CRYBG3: variants seen among roughly 807,000 people sequenced by gnomAD.
CRYBG3 encodes crystallin beta-gamma domain containing 3.
Under a neutral mutation model 244.2 loss-of-function variants are expected in CRYBG3, and 127 were observed. The ratio of observed to expected loss-of-function variants is 0.52; its 90% CI spans 0.45 to 0.60. The LOEUF is 0.60. Among genes scored for constraint, CRYBG3 ranks in the 20% least tolerant of loss-of-function variants. The probability of loss-of-function intolerance (pLI) is 0.00; values close to 1 mark genes in which losing one functional copy is unlikely to be tolerated. For synonymous variants in CRYBG3, 1,132 were observed against 1,195.8 expected, an observed-to-expected ratio of 0.95 and a Z score of 1.10; for missense variants, 3,325 against 3,442.5, an observed-to-expected ratio of 0.97 and a Z score of 0.85.
At chr3:97,886,934 T>G (rs1050475511) in intron 8 of CRYBG3, among the ~76,000 whole-genome samples, 167 bp downstream of exon 8, 1 of 152,234 alleles carries the variant, frequency 6.6e-6, no homozygotes, top group Non-Finnish European at 1.5e-5. Context: ...AGCTTTGATA[T>G]ATGACTCACA....
chr3:97,868,473 G>A (rs2039263005), intron 3 of CRYBG3, among the ~76,000 whole-genome samples: 1 of 151,976 alleles, frequency 6.6e-6, no homozygotes, highest in Non-Finnish European at 1.5e-5. Flanking sequence ...TTGTCACTTT[G>A]ATTTCCTATT....
At chr3:97,838,325 C>T (rs1202946777) in intron 1 of CRYBG3, among the ~76,000 whole-genome samples, 1 of 152,102 alleles carries the variant, frequency 6.6e-6, no homozygotes, top group Non-Finnish European at 1.5e-5. Flanking sequence ...TTCTCCTGGT[C>T]AGATTTTTTT....
chr3:97,897,892 T>C (rs184771549), intron 12 of CRYBG3, among the ~76,000 whole-genome samples: 1 of 152,304 alleles, frequency 6.6e-6, no homozygotes, highest in East Asian at 1.9e-4. Context: ...CAATATGTTT[T>C]GACAAAACGG....
rs145799037 is a variant in CRYBG3, at chr3:97,854,118, A to G, written c.217-10099A>G. Among the ~76,000 whole-genome samples the G allele has an allele frequency of 5.9e-5, 9 of 152,198 alleles. 1 individual carries two copies. The highest frequency in any genetic ancestry group is 2.2e-4 in the African/African-American group (9 of 41,540). On this transcript the variant is annotated intron_variant, in intron 2 of 21. Coordinates refer to ENST00000389622, the MANE Select transcript of CRYBG3 (RefSeq NM_153605.4). ...CACTTTATTTTTGTATGCTTTGTTG[A>G]AGATCAGTTGGCTGTATTTGGCTTT...
chr3:97,850,185 C>T (rs547026348), intron 2 of CRYBG3, among the ~76,000 whole-genome samples: 1 of 152,226 alleles, frequency 6.6e-6, no homozygotes, highest in South Asian at 2.1e-4. Flanking sequence ...TGTTTTATCT[C>T]CCTTCCCATT....
chr3:97,863,070 G>C (rs558409284), intron 2 of CRYBG3, among the ~76,000 whole-genome samples: 73 of 152,210 alleles, frequency 4.8e-4, no homozygotes, highest in Non-Finnish European at 9.9e-4. Context: ...TGATGTTCTT[G>C]CCTTCTGGAA....
In CRYBG3 at chr3:97,886,713, A is replaced by C. The variant is rs779830857; in HGVS notation, c.7235A>C (p.Asn2412Thr). 18 of 1,612,500 alleles carry C rather than the reference A, an allele frequency of 1.1e-5. No individual in the cohort carries two copies. Among genetic ancestry groups the C allele is most frequent in the African/African-American group, 2.7e-5 (2 of 74,808 alleles). The change falls in exon 8 of 22, where the codon AAT becomes ACT. Residue 2412 changes from asparagine to threonine, a missense_variant. Asn to Thr is a moderately conservative substitution (Grantham distance 65, BLOSUM62 0). This residue lies in a region of CRYBG3 where 714 missense variants were observed against 803.6 expected (regional missense o/e 0.89). Coordinates refer to ENST00000389622, the MANE Select transcript of CRYBG3 (RefSeq NM_153605.4). ...CPVYIQRAVP[N>T]LEELNISKSV... ...GTCTACATACAGAGAGCAGTCCCCA[A>C]TTTGGAAGAACTGAATATCTCCAAA...
intron 12 of CRYBG3, 122 bp downstream of exon 12, chr3:97,896,207 TC>T: frequency 1.2e-6 from 1 of 851,816 alleles, no homozygotes. Flanking sequence ...AGTATTAACC[TC>T]AACTGCTTAT....
chr3:97,893,469 C>T (rs2039604760), intron 11 of CRYBG3, among the ~76,000 whole-genome samples: 1 of 152,224 alleles, frequency 6.6e-6, no homozygotes, highest in African/African-American at 2.4e-5. Context: ...TGAGGAAGCT[C>T]TCTAGGAACC....
chr3:97,922,038 G>A (rs2039990182), intron 17 of CRYBG3, among the ~76,000 whole-genome samples: 1 of 152,114 alleles, frequency 6.6e-6, no homozygotes, highest in African/African-American at 2.4e-5. Flanking sequence ...ATGATCTTAG[G>A]AAGTAGAATA....
intron 17 of CRYBG3, among the ~76,000 whole-genome samples, chr3:97,929,441 T>C (rs2040074539): frequency 6.6e-6 from 1 of 151,962 alleles, no homozygotes; most frequent in Non-Finnish European, 1.5e-5. Flanking sequence ...AAAAGATTAT[T>C]AACCACCCCC....
At chr3:97,910,461 T>G (rs2039856331) in intron 15 of CRYBG3, among the ~76,000 whole-genome samples, 1 of 152,214 alleles carries the variant, frequency 6.6e-6, no homozygotes, top group South Asian at 2.1e-4. Context: ...TGTACCGTTT[T>G]TTAAGCCCGC....
At chr3:97,846,953 A>G (rs1283921925) in intron 2 of CRYBG3, among the ~76,000 whole-genome samples, 3 of 152,248 alleles carry the variant, frequency 2.0e-5, no homozygotes, top group Admixed American at 1.3e-4. Context: ...CAGGCTTTAC[A>G]TAAAGCATGG....
intron 15 of CRYBG3, among the ~76,000 whole-genome samples, chr3:97,907,928 G>C (rs2039798130): frequency 6.6e-6 from 1 of 151,874 alleles, no homozygotes; most frequent in South Asian, 2.1e-4. Context: ...ATGCGTCCCA[G>C]AGATTCTGGT....
chr3:97,943,262 A>G lies in CRYBG3; in HGVS notation c.8861A>G (p.Asn2954Ser). The change falls in exon 22 of 22, where the codon AAT (asparagine) becomes AGT (serine). Residue 2954 changes from asparagine to serine, a missense_variant. Around this residue, in one of 4 missense-constraint regions of CRYBG3, gnomAD observed 714 missense variants for 803.6 expected, o/e 0.89. Coordinates refer to ENST00000389622, the MANE Select transcript of CRYBG3 (RefSeq NM_153605.4). ...NYCDKTHVIVNQPLEGEETQK... is the reference protein window; with the variant it reads ...NYCDKTHVIVSQPLEGEETQK... ...TGTGACAAGACTCATGTAATTGTAAATCAGCCCCTGGAGGGAGAAGAAACA... is the reference window on the plus strand; with the variant it reads ...TGTGACAAGACTCATGTAATTGTAAGTCAGCCCCTGGAGGGAGAAGAAACA... 1 of 1,594,020 alleles carries G rather than the reference A, an allele frequency of 6.3e-7. No individual in the cohort carries two copies. Among genetic ancestry groups the G allele is most frequent in the Non-Finnish European group, 8.6e-7 (1 of 1,164,116 alleles).
intron 15 of CRYBG3, 43 bp downstream of exon 15, chr3:97,900,528 A>G: frequency 8.1e-7 from 1 of 1,230,902 alleles, no homozygotes. Flanking sequence ...TTGTTTACTA[A>G]AAGCATTTAT....
chr3:97,871,413 T>C (rs1318072202), intron 3 of CRYBG3, among the ~76,000 whole-genome samples: 2 of 152,190 alleles, frequency 1.3e-5, no homozygotes, highest in Admixed American at 1.3e-4. Context: ...AGTAAAGGAA[T>C]AGAAGGTCAT....
At chr3:97,881,288 C>G (rs909167463) in intron 7 of CRYBG3, 69 bp downstream of exon 7, 1 of 1,060,252 alleles carries the variant, frequency 9.4e-7, no homozygotes, top group Non-Finnish European at 1.3e-6. Context: ...GTGCTGTGGC[C>G]TGGCGATGTT....
At chr3:97,845,629 A>C (rs2038889447) in intron 2 of CRYBG3, among the ~76,000 whole-genome samples, 1 of 152,132 alleles carries the variant, frequency 6.6e-6, no homozygotes, top group South Asian at 2.1e-4. Flanking sequence ...ATGTCAGATG[A>C]ATACTTATCC....
Sources: allele counts gnomAD v4.1 joint callset (sites outside exome capture counted in the v4.1 genomes callset), GRCh38; gene constraint gnomAD v4.1.1; regional missense constraint gnomAD v4.1.1; transcripts MANE v1.5; gene names NCBI Gene and HGNC (gene_info 2026-07-23, HGNC 2026-07-21).